The following GPR15LG variants were observed in gnomAD, a reference collection of about 807,000 sequenced individuals.
GPR15LG encodes protein GPR15LG.
the GPR15LG span, among the ~76,000 whole-genome samples, chr10:84,180,841 T>A: frequency 1.3e-5 from 2 of 152,184 alleles, no homozygotes; most frequent in African/African-American, 2.4e-5. Context: ...TCCCGGCACC[T>A]CGGGAGGCCG....
chr10:84,174,578 C>G, the GPR15LG span, among the ~76,000 whole-genome samples: 4 of 148,684 alleles, frequency 2.7e-5, no homozygotes, highest in Non-Finnish European at 4.4e-5. Context: ...ACTGCAATCT[C>G]CGCCTCCTGG....
the GPR15LG span, chr10:84,173,810 G>T: frequency 6.9e-7 from 1 of 1,453,290 alleles, no homozygotes; most frequent in Non-Finnish European, 9.7e-7. Context: ...GACTTCTGCA[G>T]CACAGCTCCC....
At chr10:84,178,035 G>A in the GPR15LG span, among the ~76,000 whole-genome samples, 8 of 149,258 alleles carry the variant, frequency 5.4e-5, no homozygotes, top group South Asian at 4.3e-4. Flanking sequence ...AAATACATGC[G>A]CACACAGACT....
At chr10:84,185,205 A>G in the GPR15LG span, 6 of 386,276 alleles carry the variant, frequency 1.6e-5, no homozygotes, top group Non-Finnish European at 2.2e-5. Flanking sequence ...TCCCCAAGGA[A>G]TCCCTTCCTA....
At chr10:84,176,360 G>T in the GPR15LG span, 1 of 756,958 alleles carries the variant, frequency 1.3e-6, no homozygotes, top group Admixed American at 1.9e-5. Flanking sequence ...ACCTCTCGTA[G>T]CCTGGCTCAT....
At chr10:84,177,086 A>G in the GPR15LG span, among the ~76,000 whole-genome samples, 1 of 152,244 alleles carries the variant, frequency 6.6e-6, no homozygotes, top group Non-Finnish European at 1.5e-5. Flanking sequence ...CTGAGGGTCC[A>G]GAGAGCCATA....
the GPR15LG span, among the ~76,000 whole-genome samples, chr10:84,175,380 T>C: frequency 1.4e-3 from 214 of 152,212 alleles, 1 homozygote; most frequent in Non-Finnish European, 1.9e-3. Flanking sequence ...TTCCTATCCA[T>C]TTAGGACTAT....
At chr10:84,178,712 A>C in the GPR15LG span, among the ~76,000 whole-genome samples, 1 of 152,236 alleles carries the variant, frequency 6.6e-6, no homozygotes, top group Non-Finnish European at 1.5e-5. Flanking sequence ...GTGCAAGTAC[A>C]CGTGCATCCG....
chr10:84,181,186 G>GGAGGGA, the GPR15LG span, among the ~76,000 whole-genome samples: 227 of 120,878 alleles, frequency 1.9e-3, 3 homozygotes, highest in African/African-American at 7.6e-3. Context: ...CGTGCAAAGA[G>GGAGGGA]GAGGGAGAGG....
the GPR15LG span, chr10:84,184,681 G>A: frequency 3.1e-6 from 5 of 1,613,896 alleles, no homozygotes; most frequent in Non-Finnish European, 4.2e-6. Context: ...CTCCTCCCAG[G>A]ACATCATGTG....
chr10:84,174,487 C>CTTT, the GPR15LG span, among the ~76,000 whole-genome samples: 77 of 108,828 alleles, frequency 7.1e-4, 2 homozygotes, highest in Non-Finnish European at 9.0e-4. Flanking sequence ...GCCCTTTTTT[C>CTTT]TTTTTTCTTT....
the GPR15LG span, among the ~76,000 whole-genome samples, chr10:84,176,893 G>T: frequency 2.0e-5 from 3 of 152,312 alleles, no homozygotes; most frequent in South Asian, 6.2e-4. Context: ...CCTGGCTGAG[G>T]ACTGTGGAGG....
the GPR15LG span, among the ~76,000 whole-genome samples, chr10:84,177,252 G>C: frequency 3.7e-4 from 56 of 152,346 alleles, no homozygotes; most frequent in African/African-American, 9.6e-4. Context: ...GGAGGGCTGC[G>C]GGCACCCAGT....
At chr10:84,181,459 T>A in the GPR15LG span, among the ~76,000 whole-genome samples, 1 of 152,158 alleles carries the variant, frequency 6.6e-6, no homozygotes, top group African/African-American at 2.4e-5. Flanking sequence ...AGGATCTTGC[T>A]CAGTCACCCA....
At chr10:84,177,549 C>T in the GPR15LG span, among the ~76,000 whole-genome samples, 1 of 152,224 alleles carries the variant, frequency 6.6e-6, no homozygotes, top group African/African-American at 2.4e-5. Context: ...TTCCCAGCTA[C>T]CAAGGGGATG....
the GPR15LG span, among the ~76,000 whole-genome samples, chr10:84,181,362 CCA>C: frequency 6.6e-6 from 1 of 151,970 alleles, no homozygotes; most frequent in Non-Finnish European, 1.5e-5. Context: ...CAGGCGTGAG[CCA>C]CCATGCCCAG....
At chr10:84,176,587 G>T in the GPR15LG span, 1 of 1,584,868 alleles carries the variant, frequency 6.3e-7, no homozygotes, top group South Asian at 1.1e-5. Flanking sequence ...CCCCCACCTC[G>T]TCCAGACTGT....
chr10:84,181,622 T>G, the GPR15LG span, among the ~76,000 whole-genome samples: 1 of 152,036 alleles, frequency 6.6e-6, no homozygotes, highest in Non-Finnish European at 1.5e-5. Context: ...CGTCTTACTA[T>G]GATGCCCAGG....
chr10:84,176,475 C>T, the GPR15LG span: 8 of 1,608,680 alleles, frequency 5.0e-6, no homozygotes, highest in Non-Finnish European at 6.0e-6. Context: ...TGTGTCCACC[C>T]TCAGGGAAGA....
Sources: allele counts gnomAD v4.1 joint callset (sites outside exome capture counted in the v4.1 genomes callset), GRCh38; gene constraint gnomAD v4.1.1; transcripts MANE v1.5; gene names NCBI Gene and HGNC (gene_info 2026-07-23, HGNC 2026-07-21).